LRRC56: variants seen among roughly 807,000 people sequenced by gnomAD.
LRRC56 encodes leucine-rich repeat-containing protein 56.
Under a neutral mutation model 47.8 loss-of-function variants are expected in LRRC56, and 41 were observed. The ratio of observed to expected loss-of-function variants is 0.86; its 90% CI spans 0.67 to 1.11. The LOEUF is 1.11. Among genes scored for constraint, LRRC56 ranks in the 50% most tolerant of loss-of-function variants. The probability of loss-of-function intolerance (pLI) is 0.00; values close to 1 mark genes in which losing one functional copy is unlikely to be tolerated. For synonymous variants in LRRC56, 387 were observed against 311.2 expected, an observed-to-expected ratio of 1.24 and a Z score of -2.56; for missense variants, 759 against 704.2, an observed-to-expected ratio of 1.08 and a Z score of -0.88.
chr11:549,195 C>G (rs1363431212), intron 6 of LRRC56, among the ~76,000 whole-genome samples: 1 of 152,246 alleles, frequency 6.6e-6, no homozygotes, highest in Non-Finnish European at 1.5e-5. Context: ...TCACCCAGCC[C>G]TGGAGGAATC....
chr11:540,014 A>G (rs963195078), intron 3 of LRRC56, among the ~76,000 whole-genome samples: 2 of 152,154 alleles, frequency 1.3e-5, no homozygotes, highest in East Asian at 3.9e-4. Context: ...GCTCACCTCT[A>G]GGTGCTGTGA....
the LRRC56 span, among the ~76,000 whole-genome samples, chr11:518,749 C>G: frequency 2.0e-5 from 3 of 152,186 alleles, no homozygotes; most frequent in Non-Finnish European, 4.4e-5. Context: ...GCCCAGGAGC[C>G]GGCCCCGGGC....
upstream of LRRC56, chr11:534,181 G>T: frequency 6.5e-7 from 1 of 1,545,804 alleles, no homozygotes; most frequent in Non-Finnish European, 8.9e-7. Context: ...CGCAGCAGCT[G>T]CTGGCACCTG....
At chr11:551,567 A>G (rs1398917680) in intron 9 of LRRC56, 84 bp from the exon 10 acceptor site, 1 of 1,443,642 alleles carries the variant, frequency 6.9e-7, no homozygotes, top group Non-Finnish European at 9.3e-7. Context: ...CAGCATGGGG[A>G]TTGGGGCCCC....
the LRRC56 span, among the ~76,000 whole-genome samples, chr11:523,696 G>A: frequency 6.6e-6 from 1 of 151,412 alleles, no homozygotes; most frequent in Non-Finnish European, 1.5e-5. Flanking sequence ...ACTTTGGGAG[G>A]CCCAGGCAGG....
At chr11:510,529 G>A in the LRRC56 span, among the ~76,000 whole-genome samples, 1 of 152,106 alleles carries the variant, frequency 6.6e-6, no homozygotes, top group South Asian at 2.1e-4. Context: ...TTTGCGGTCG[G>A]GAGTTCAAGA....
chr11:535,322 C>A (rs1851418867), upstream of LRRC56: 1 of 146,450 alleles, frequency 6.8e-6, no homozygotes, highest in East Asian at 2.0e-4. Flanking sequence ...CGCTTACGCC[C>A]GCCGGCCCCG....
chr11:547,955 G>T (rs543019192), intron 6 of LRRC56, among the ~76,000 whole-genome samples: 1 of 151,858 alleles, frequency 6.6e-6, no homozygotes, highest in Non-Finnish European at 1.5e-5. Flanking sequence ...GTGAAACCCC[G>T]TATCTACTAA....
At chr11:522,439 G>T in the LRRC56 span, among the ~76,000 whole-genome samples, 1 of 151,986 alleles carries the variant, frequency 6.6e-6, no homozygotes, top group Non-Finnish European at 1.5e-5. Context: ...CTAATTTTTT[G>T]TATTTTTTAG....
chr11:540,937 G>T, intron 4 of LRRC56, 76 bp downstream of exon 4: 6 of 1,236,782 alleles, frequency 4.9e-6, no homozygotes, highest in Non-Finnish European at 6.6e-6. Flanking sequence ...CCTGCTGATG[G>T]TCCAGCCTGC....
At chr11:553,858 A>T in intron 13 of LRRC56, 105 bp from the exon 14 acceptor site, 2 of 960,866 alleles carry the variant, frequency 2.1e-6, no homozygotes, top group Non-Finnish European at 3.2e-6. Flanking sequence ...CCCAAGGACC[A>T]CTGCCTCGGG....
rs778791008 is a variant in LRRC56 at position 551,679 on chromosome 11, A to G, written c.825A>G (p.Arg275=). ...GTCCCCGTGGAGCCCCCATCCGGAG[A>G]CTTGACCCCGAGCTGTCCCTGCCTG... is the stretch of plus-strand genomic sequence containing the variant. ...LDCPRGAPIR[R]LDPELSLPET... The change falls in exon 10 of 14, where the codon AGA becomes AGG. Residue 275 remains arginine, a synonymous_variant. Transcript: ENST00000270115. 8 of 1,596,036 alleles carry G rather than the reference A, an allele frequency of 5.0e-6. No individual in the cohort carries two copies. The highest frequency in any genetic ancestry group is 1.8e-5 in the Admixed American group (1 of 56,906).
At chr11:531,369 G>C in the LRRC56 span, among the ~76,000 whole-genome samples, 2 of 152,162 alleles carry the variant, frequency 1.3e-5, no homozygotes, top group Non-Finnish European at 2.9e-5. Flanking sequence ...CCTGGGAGGG[G>C]AGGGGCACCA....
the LRRC56 span, among the ~76,000 whole-genome samples, chr11:511,231 G>A: frequency 1.3e-5 from 2 of 150,910 alleles, no homozygotes; most frequent in Admixed American, 6.7e-5. Flanking sequence ...TGAGGCAGGA[G>A]AATGGCGTGA....
At chr11:533,301 T>G (rs1418944358), upstream of LRRC56, 1 of 1,600,458 alleles carries the variant, frequency 6.2e-7, no homozygotes, top group Non-Finnish European at 8.5e-7. Context: ...CTGGGTCACA[T>G]GGGTCCCGGG....
At chr11:518,905 G>C in the LRRC56 span, among the ~76,000 whole-genome samples, 5 of 151,954 alleles carry the variant, frequency 3.3e-5, no homozygotes, top group East Asian at 9.7e-4. Context: ...ACCGGGGCGG[G>C]GGGGCGTGTC....
chr11:547,446 G>T (rs929901956), intron 6 of LRRC56, among the ~76,000 whole-genome samples: 1 of 151,590 alleles, frequency 6.6e-6, no homozygotes. Context: ...CTCGCCTCCC[G>T]GGTTCACGCC....
In LRRC56 at chr11:549,932, G is replaced by A; in HGVS notation, c.357G>A (p.Gln119=). The A allele has an allele frequency of 6.2e-7, 1 of 1,613,058 alleles. No individual in the cohort carries two copies. The highest frequency in any genetic ancestry group is 8.5e-7 in the Non-Finnish European group (1 of 1,179,932). The change falls in exon 7 of 14, where the codon CAG becomes CAA. Residue 119 remains glutamine, a synonymous_variant. Transcript: ENST00000270115. ...RDLGTSLGHL[Q]VLWLARCGLA... is the part of the protein sequence containing the mutation. ...TGGGCACGTCTCTGGGCCACCTGCA[G>A]GTGCTGTGGCTGGCTCGCTGTGGCC...
the LRRC56 span, among the ~76,000 whole-genome samples, chr11:526,797 CATG>C: frequency 6.6e-6 from 1 of 151,892 alleles, no homozygotes; most frequent in Non-Finnish European, 1.5e-5. Flanking sequence ...ATTAGCCAGG[CATG>C]GTGGTGGGCA....
Sources: gnomAD v4.1 joint callset for allele counts (sites outside exome capture counted in the v4.1 genomes callset) on GRCh38, gnomAD v4.1.1 for gene constraint, MANE v1.5 for transcripts, NCBI Gene and HGNC (gene_info 2026-07-23, HGNC 2026-07-21) for gene names.